ENTREP2: variants seen among roughly 807,000 people sequenced by gnomAD.
ENTREP2 encodes the protein protein ENTREP2.
At chr15:29,249,443 A>G in the ENTREP2 span, among the ~76,000 whole-genome samples, 1 of 152,224 alleles carries the variant, frequency 6.6e-6, no homozygotes, top group East Asian at 1.9e-4. Flanking sequence ...ATACATCCAT[A>G]TACACACACA....
the ENTREP2 span, among the ~76,000 whole-genome samples, chr15:29,523,211 C>T: frequency 6.6e-6 from 1 of 152,024 alleles, no homozygotes; most frequent in Non-Finnish European, 1.5e-5. Flanking sequence ...TTAAGGAATC[C>T]ACAAAAATAC....
the ENTREP2 span, among the ~76,000 whole-genome samples, chr15:29,457,851 C>A: frequency 6.6e-6 from 1 of 152,138 alleles, no homozygotes; most frequent in Non-Finnish European, 1.5e-5. Flanking sequence ...CAAATAAGAA[C>A]ACTGCAGGCC....
At chr15:29,235,977 A>AAAC in the ENTREP2 span, among the ~76,000 whole-genome samples, 34 of 125,590 alleles carry the variant, frequency 2.7e-4, no homozygotes, top group African/African-American at 9.3e-4. Context: ...AAAACAAAAC[A>AAAC]AAACAAAAAA....
the ENTREP2 span, among the ~76,000 whole-genome samples, chr15:29,477,185 A>G: frequency 2.0e-4 from 30 of 152,346 alleles, 1 homozygote; most frequent in Admixed American, 1.9e-3. Context: ...ATCCATTTAT[A>G]TAAAGTTCAA....
chr15:29,614,780 G>A, the ENTREP2 span, among the ~76,000 whole-genome samples: 21 of 152,222 alleles, frequency 1.4e-4, no homozygotes, highest in African/African-American at 5.1e-4. Flanking sequence ...CAAGGGGCTG[G>A]GCATGGTGGC....
the ENTREP2 span, among the ~76,000 whole-genome samples, chr15:29,565,866 C>T: frequency 6.6e-6 from 1 of 151,428 alleles, no homozygotes; most frequent in African/African-American, 2.4e-5. Flanking sequence ...GAGGCTGAGG[C>T]AGGAGAATGG....
the ENTREP2 span, chr15:29,124,717 C>A: frequency 6.4e-7 from 1 of 1,550,706 alleles, no homozygotes; most frequent in Admixed American, 2.0e-5. Flanking sequence ...GACAGTCCCG[C>A]TTCCAGGTCC....
the ENTREP2 span, among the ~76,000 whole-genome samples, chr15:29,410,592 C>G: frequency 1.3e-5 from 2 of 152,044 alleles, no homozygotes; most frequent in Admixed American, 1.3e-4. Flanking sequence ...CTCCCTGCCT[C>G]CCTCTGCCTT....
the ENTREP2 span, among the ~76,000 whole-genome samples, chr15:29,616,374 G>A: frequency 3.9e-5 from 6 of 152,026 alleles, no homozygotes; most frequent in Admixed American, 1.3e-4. Context: ...AGACAGACCC[G>A]GTCAGGGCTG....
At chr15:29,351,149 A>G in the ENTREP2 span, among the ~76,000 whole-genome samples, 2 of 152,190 alleles carry the variant, frequency 1.3e-5, no homozygotes, top group Non-Finnish European at 2.9e-5. Context: ...CCTACTATAC[A>G]TGCCTAGGCT....
the ENTREP2 span, among the ~76,000 whole-genome samples, chr15:29,150,504 C>T: frequency 6.6e-4 from 100 of 152,232 alleles, no homozygotes; most frequent in African/African-American, 1.0e-3. Flanking sequence ...TGAGGAGAAG[C>T]CCCTGGTACT....
the ENTREP2 span, among the ~76,000 whole-genome samples, chr15:29,438,821 A>G: frequency 8.5e-5 from 13 of 152,334 alleles, no homozygotes; most frequent in South Asian, 6.2e-4. Context: ...CAGGACTGAA[A>G]TGCATGCCAT....
the ENTREP2 span, among the ~76,000 whole-genome samples, chr15:29,221,468 G>A: frequency 6.6e-6 from 1 of 152,116 alleles, no homozygotes; most frequent in Admixed American, 6.5e-5. Context: ...TCAAAGTGCT[G>A]GGATTACAAG....
chr15:29,644,738 G>A, the ENTREP2 span, among the ~76,000 whole-genome samples: 1 of 151,082 alleles, frequency 6.6e-6, no homozygotes, highest in Non-Finnish European at 1.5e-5. Context: ...GGGAGGTGGA[G>A]GTTGCAGTGA....
the ENTREP2 span, among the ~76,000 whole-genome samples, chr15:29,382,318 C>T: frequency 5.3e-5 from 8 of 151,972 alleles, no homozygotes; most frequent in Non-Finnish European, 4.4e-5. Context: ...AATGCAACCC[C>T]ACCCACGGGC....
the ENTREP2 span, among the ~76,000 whole-genome samples, chr15:29,573,998 T>A: frequency 0.16 from 24,904 of 151,568 alleles, 2,928 homozygotes; most frequent in East Asian, 0.49. Context: ...GAGTGAATCA[T>A]AAAGAAAGAA....
At chr15:29,592,503 AG>A in the ENTREP2 span, among the ~76,000 whole-genome samples, 1 of 152,172 alleles carries the variant, frequency 6.6e-6, no homozygotes, top group East Asian at 2.0e-4. Context: ...GCCAAATTCA[AG>A]CTCACTCCCA....
chr15:29,589,718 G>A, the ENTREP2 span, among the ~76,000 whole-genome samples: 2 of 152,174 alleles, frequency 1.3e-5, no homozygotes, highest in Non-Finnish European at 2.9e-5. Flanking sequence ...GACTTTGTCT[G>A]CGTCAGATTA....
At chr15:29,674,532 T>G in the ENTREP2 span, among the ~76,000 whole-genome samples, 2 of 152,120 alleles carry the variant, frequency 1.3e-5, no homozygotes, top group Non-Finnish European at 2.9e-5. Flanking sequence ...CCTCCCAAAG[T>G]GCCGGGATTA....
Sources: allele counts gnomAD v4.1 joint callset (sites outside exome capture counted in the v4.1 genomes callset), GRCh38; gene constraint gnomAD v4.1.1; transcripts MANE v1.5; gene names NCBI Gene and HGNC (gene_info 2026-07-23, HGNC 2026-07-21).